CACNA1C: variants seen among roughly 807,000 people sequenced by gnomAD.
CACNA1C encodes the protein voltage-dependent L-type calcium channel subunit alpha-1C.
CACNA1C carries 30 observed loss-of-function variants against 229.0 expected under a neutral mutation model. The observed-to-expected ratio is 0.13, with a 90% CI of 0.10 to 0.18. CACNA1C has a LOEUF of 0.18. CACNA1C is among the 10% of genes least tolerant of loss of function. The probability of loss-of-function intolerance (pLI) is 1.00; values close to 1 mark genes in which losing one functional copy is unlikely to be tolerated. For missense variants in CACNA1C, 1,658 were observed against 2,845.0 expected, an observed-to-expected ratio of 0.58 and a Z score of 9.49; for synonymous variants, 1,114 against 1,132.5, an observed-to-expected ratio of 0.98 and a Z score of 0.33.
chr12:2,430,575 T>G (rs370089005), intron 3 of CACNA1C, among the ~76,000 whole-genome samples: 2,405 of 151,956 alleles, frequency 0.016, 54 homozygotes, highest in African/African-American at 0.052. Context: ...TGGGAGGTGG[T>G]GGGGGGGTCC....
intron 5 of CACNA1C, among the ~76,000 whole-genome samples, chr12:2,477,915 G>T (rs1443985626): frequency 1.3e-5 from 2 of 151,904 alleles, no homozygotes; most frequent in Admixed American, 6.6e-5. Context: ...GGACAACCTC[G>T]TAGAAATATC....
At chr12:2,252,064 T>C (rs1600745717) in intron 3 of CACNA1C, among the ~76,000 whole-genome samples, 1 of 152,216 alleles carries the variant, frequency 6.6e-6, no homozygotes, top group Non-Finnish European at 1.5e-5. Flanking sequence ...TGTAGCCCAC[T>C]CCATGTCTGT....
In CACNA1C at chr12:2,079,414, G is replaced by C. The variant is rs997190321; in HGVS notation, c.49+25803G>C. Among the ~76,000 whole-genome samples, 3 of 152,168 alleles carry C rather than the reference G, an allele frequency of 2.0e-5. No individual in the cohort carries two copies. In the East Asian group the frequency reaches 5.8e-4, roughly 29 times the overall value. On this transcript the variant is annotated intron_variant, in intron 1 of 46. Coordinates refer to ENST00000399655, the MANE Select transcript of CACNA1C (RefSeq NM_000719.7). ...TGGAGGCTGGGAAGTCCAAGATCAT[G>C]GTGCTAGCAGATTTGATATCTGGTG...
At chr12:2,309,979 T>C (rs1189790037) in intron 3 of CACNA1C, among the ~76,000 whole-genome samples, 1 of 152,338 alleles carries the variant, frequency 6.6e-6, no homozygotes, top group East Asian at 1.9e-4. Flanking sequence ...GGGAGCAGTC[T>C]GGTAACACCC....
intron 3 of CACNA1C, among the ~76,000 whole-genome samples, chr12:2,291,829 C>A (rs1458314670): frequency 6.6e-6 from 1 of 152,192 alleles, no homozygotes; most frequent in Non-Finnish European, 1.5e-5. Flanking sequence ...AAGAGTGATT[C>A]ACATGCAGGA....
chr12:2,215,047 G>A lies in CACNA1C; in HGVS notation c.477+94617G>A, dbSNP rs920566839. Among the ~76,000 whole-genome samples the A allele has an allele frequency of 9.9e-5, 15 of 152,136 alleles. No individual in the cohort carries two copies. Among genetic ancestry groups the A allele is most frequent in the African/African-American group, 3.1e-4 (13 of 41,418 alleles). The stretch of plus-strand genomic sequence containing the variant: ...GGGTGTGAAGTCGGGAGGAGCCGGA[G>A]GCAGTGAGGACCTGCATTGCAGCGG... On this transcript the variant is annotated intron_variant, in intron 3 of 46. Transcript: ENST00000399655. The surrounding 1 kb of genome is among the most constrained non-coding windows in gnomAD (Gnocchi z 5.0).
Position 2,654,541 on chromosome 12 carries a change from C to A in CACNA1C, c.4141-606C>A, listed in dbSNP as rs1240189936. Among the ~76,000 whole-genome samples the A allele has an allele frequency of 1.3e-5, 2 of 152,216 alleles. No individual in the cohort carries two copies. Among genetic ancestry groups the A allele is most frequent in the Non-Finnish European group, 2.9e-5 (2 of 68,034 alleles). Reference sequence around the variant, plus strand: ...GCAGGGCGCCCACACTAGCCCAAAGCGCTTCCTCGGCCGCTCCTTCAGGAA... The same window carrying A: ...GCAGGGCGCCCACACTAGCCCAAAGAGCTTCCTCGGCCGCTCCTTCAGGAA... On this transcript the variant is annotated intron_variant, in intron 33 of 46. Coordinates refer to ENST00000399655, the MANE Select transcript of CACNA1C (RefSeq NM_000719.7). This position sits in a 1 kb window ranked among gnomAD's most constrained non-coding sequence, Gnocchi z 4.4.
Position 2,088,114 on chromosome 12 carries a change from C to T in CACNA1C, c.50-27110C>T, listed in dbSNP as rs970140189. On this transcript the variant is annotated intron_variant, in intron 1 of 46. Transcript: ENST00000399655. ...TGAGAAGTAATTCATGTTTCTAACA[C>T]GCTTCAGAATACATAAGTACAACAT... Among the ~76,000 whole-genome samples, 13 of 152,204 alleles carry T rather than the reference C, an allele frequency of 8.5e-5. 1 individual carries two copies. The highest frequency in any genetic ancestry group is 4.6e-4 in the Admixed American group (7 of 15,276).
At chr12:2,402,590 A>G (rs1186150876) in intron 3 of CACNA1C, among the ~76,000 whole-genome samples, 1 of 152,236 alleles carries the variant, frequency 6.6e-6, no homozygotes, top group Non-Finnish European at 1.5e-5. Flanking sequence ...TGAAATGAGA[A>G]TTTTAATGCT....
intron 1 of CACNA1C, among the ~76,000 whole-genome samples, chr12:2,079,453 T>TGAA (rs1199862904): frequency 6.6e-6 from 1 of 152,148 alleles, no homozygotes; most frequent in Non-Finnish European, 1.5e-5. Flanking sequence ...ACCTGCTTCC[T>TGAA]GGATGACTGC....
chr12:2,559,620 A>G (rs2046417343), intron 11 of CACNA1C, among the ~76,000 whole-genome samples: 1 of 152,228 alleles, frequency 6.6e-6, no homozygotes, highest in South Asian at 2.1e-4. Flanking sequence ...TGGCACTATC[A>G]TTGAAACTCA....
intron 14 of CACNA1C, among the ~76,000 whole-genome samples, chr12:2,582,285 GA>G (rs1013707895): frequency 6.6e-6 from 1 of 152,056 alleles, no homozygotes; most frequent in Non-Finnish European, 1.5e-5. Context: ...CTTGTCTCTT[GA>G]AAAAAATATT....
intron 13 of CACNA1C, among the ~76,000 whole-genome samples, chr12:2,577,926 T>A (rs922798148): frequency 6.6e-6 from 1 of 150,590 alleles, no homozygotes. Context: ...TGGAGTGCAG[T>A]GGCGCGATCT....
chr12:2,105,786 C>T (rs67589562), intron 1 of CACNA1C, among the ~76,000 whole-genome samples: 1,858 of 27,314 alleles, frequency 0.068, 7 homozygotes, highest in Non-Finnish European at 0.096. Context: ...AGCCACTGGG[C>T]GCCCACCCCG....
intron 3 of CACNA1C, among the ~76,000 whole-genome samples, chr12:2,317,938 C>T (rs2095780676): frequency 6.6e-6 from 1 of 152,184 alleles, no homozygotes; most frequent in South Asian, 2.1e-4. Context: ...GAATAAATAA[C>T]TGGCATCACA....
rs201942824 is a variant in CACNA1C, at chr12:2,579,584, A to G, written c.1896-2006A>G. On this transcript the variant is annotated intron_variant, in intron 13 of 46. Transcript: ENST00000399655. Reference sequence around the variant, plus strand: ...ATTGTTGTTGTTCTATTATTAATTAATTAATTAATATTTTAGGACAGGGTC... The same window carrying G: ...ATTGTTGTTGTTCTATTATTAATTAGTTAATTAATATTTTAGGACAGGGTC... 1.1e-4 allele frequency among the ~76,000 whole-genome samples: 16 copies of G among 152,052 alleles called. No homozygotes were observed. In the East Asian group the frequency reaches 1.9e-3, roughly 18 times the overall value.
chr12:2,530,992 A>C (rs1467807919), intron 9 of CACNA1C, among the ~76,000 whole-genome samples: 1 of 152,164 alleles, frequency 6.6e-6, no homozygotes, highest in Non-Finnish European at 1.5e-5. Context: ...CTTGGCCTGC[A>C]CTTGCTTTTA....
intron 9 of CACNA1C, among the ~76,000 whole-genome samples, chr12:2,522,584 G>C (rs536552038): frequency 2.3e-4 from 35 of 152,170 alleles, no homozygotes; most frequent in South Asian, 1.2e-3. Context: ...AGAAAGCCGG[G>C]AGTCGACAGA....
At chr12:2,282,546 C>T (rs2091617271) in intron 3 of CACNA1C, among the ~76,000 whole-genome samples, 1 of 152,172 alleles carries the variant, frequency 6.6e-6, no homozygotes, top group African/African-American at 2.4e-5. Context: ...GAGACAATGA[C>T]CTTAGGAGGA....
Sources: gnomAD v4.1 joint callset for allele counts (sites outside exome capture counted in the v4.1 genomes callset) on GRCh38, gnomAD v4.1.1 for gene constraint, Gnocchi (gnomAD v3.1) non-coding constraint, MANE v1.5 for transcripts, NCBI Gene and HGNC (gene_info 2026-07-23, HGNC 2026-07-21) for gene names.